TNFRSF25: variants seen among roughly 807,000 people sequenced by gnomAD.
TNFRSF25 encodes TNF receptor superfamily member 25.
Under a neutral mutation model 49.4 loss-of-function variants are expected in TNFRSF25, and 28 were observed. The ratio of observed to expected loss-of-function variants is 0.57; its 90% CI spans 0.42 to 0.78. The LOEUF (loss-of-function observed/expected upper bound fraction) is 0.78, where lower values mean the gene tolerates loss of function less well. Among genes scored for constraint, TNFRSF25 ranks in the 30% least tolerant of loss-of-function variants. The pLI is 0.00. For synonymous variants in TNFRSF25, 240 were observed against 234.2 expected (o/e 1.02, Z -0.23); for missense variants, 531 against 581.6 (o/e 0.91, Z 0.90).
chr1:6,461,258 C>A lies in TNFRSF25; in HGVS notation c.*176G>T, dbSNP rs1375746989. 1 of 830,952 alleles carries A rather than the reference C, an allele frequency of 1.2e-6. No individual in the cohort carries two copies. Among genetic ancestry groups the A allele is most frequent in the Non-Finnish European group, 2.0e-6 (1 of 490,324 alleles). 51.5% of individuals were successfully genotyped at this position (830,952 alleles called of 1,614,324 possible). ...CACCCCCTCTCGACATTCGTTCGTG[C>A]TTCTTCGCCTTGGCTGGAGCGATAG... On this transcript the variant is annotated 3_prime_UTR_variant, in exon 10 of 10. Coordinates refer to ENST00000356876, the MANE Select transcript of TNFRSF25 (RefSeq NM_003790.3). This position sits in a 1 kb window ranked among gnomAD's most constrained non-coding sequence, Gnocchi z 6.3.
Position 6,465,108 on chromosome 1 carries a change from C to T in TNFRSF25, c.275G>A (p.Cys92Tyr). The T allele has an allele frequency of 6.2e-7, 1 of 1,613,740 alleles. No individual in the cohort carries two copies. The highest frequency in any genetic ancestry group is 8.5e-7 in the Non-Finnish European group (1 of 1,179,790). ...ENHHNSECAR[C>Y]QACDEQASQV... ...CTCACCCTGCTCATCACAGGCCTGG[C>T]AGCGGGCACATTCAGAATTATGGTG... is the stretch of plus-strand genomic sequence containing the variant. Residue 92 changes from cysteine to tyrosine, a missense_variant, in exon 3 of 10, where the codon TGC becomes TAC. Cys to Tyr is a radical substitution (Grantham distance 194). Coordinates refer to ENST00000356876, the MANE Select transcript of TNFRSF25 (RefSeq NM_003790.3).
Position 6,462,026 on chromosome 1 carries a change from C to A in TNFRSF25, c.893G>T (p.Trp298Leu). Residue 298 changes from tryptophan (W) to leucine (L), a missense_variant, in exon 9 of 10, where the codon TGG becomes TTG. Trp to Leu is a moderately conservative substitution (Grantham distance 61). Coordinates refer to ENST00000356876, the MANE Select transcript of TNFRSF25 (RefSeq NM_003790.3). The surrounding 1 kb of genome is among the most constrained non-coding windows in gnomAD (Gnocchi z 4.2). ...TQEALCPQVT[W>L]SWDQLPSRAL... Reference sequence around the variant, plus strand: ...TCTGCTGGGCAACTGGTCCCAGGACCATGTCACCTGCGGGCAGAGCGCCTC... The same window carrying A: ...TCTGCTGGGCAACTGGTCCCAGGACAATGTCACCTGCGGGCAGAGCGCCTC... 1 of 1,612,754 alleles carries A rather than the reference C, an allele frequency of 6.2e-7. No homozygotes were observed. The highest frequency in any genetic ancestry group is 8.5e-7 in the Non-Finnish European group (1 of 1,179,692).
intron 5 of TNFRSF25, 115 bp downstream of exon 5, chr1:6,464,260 C>T: frequency 2.0e-6 from 3 of 1,520,054 alleles, no homozygotes; most frequent in Non-Finnish European, 2.7e-6. Context: ...AGGGCCAAGG[C>T]TCCCTCCTCC....
Position 6,465,244 on chromosome 1 carries a change from A to G in TNFRSF25, c.161-22T>C, listed in dbSNP as rs2148564580. The stretch of plus-strand genomic sequence containing the variant: ...TGCCCTGTGGAACCAGGCAGGGGTC[A>G]GGCAGGCAGAGGGGCTGCCCAGCAA... On this transcript the variant is annotated intron_variant, in intron 2 of 9. Coordinates refer to ENST00000356876, the MANE Select transcript of TNFRSF25 (RefSeq NM_003790.3). 1.9e-6 allele frequency: 3 copies of G among 1,595,978 alleles called. No homozygotes were observed. The East Asian group carries it at 6.8e-5, about 36-fold the overall frequency.
At chr1:6,464,135 G>T (rs774520798) in intron 5 of TNFRSF25, 7 of 1,386,572 alleles carry the variant, frequency 5.0e-6, no homozygotes, top group Non-Finnish European at 6.6e-6. Flanking sequence ...GGCTAGGATC[G>T]CTGGGGGGAA....
chr1:6,461,823 A>G lies in TNFRSF25; in HGVS notation c.926-61T>C. ...TGGGCCGCGGTCGGGAGGCAGAGTCAGGGGCGTTCGTGCGGGTACCCCAGG... is the reference window on the plus strand; with the variant it reads ...TGGGCCGCGGTCGGGAGGCAGAGTCGGGGGCGTTCGTGCGGGTACCCCAGG... On this transcript the variant is annotated intron_variant, in intron 9 of 9. Coordinates refer to ENST00000356876, the MANE Select transcript of TNFRSF25 (RefSeq NM_003790.3). This position sits in a 1 kb window ranked among gnomAD's most constrained non-coding sequence, Gnocchi z 6.3. 6.8e-7 allele frequency: 1 copy of G among 1,461,224 alleles called. No homozygotes were observed. 90.5% of individuals were successfully genotyped at this position (1,461,224 alleles called of 1,614,324 possible). A position where few individuals can be genotyped will look rare whatever the true frequency, so the allele number is the denominator to read the frequency against.
chr1:6,463,178 G>A, intron 5 of TNFRSF25, 51 bp from the exon 6 acceptor site: 1 of 1,535,130 alleles, frequency 6.5e-7, no homozygotes, highest in Non-Finnish European at 8.8e-7. Context: ...TGCCAGGAGG[G>A]GCTCCCTAAG....
intron 5 of TNFRSF25, 125 bp from the exon 6 acceptor site, chr1:6,463,252 A>T: frequency 1.1e-6 from 1 of 912,762 alleles, no homozygotes; most frequent in South Asian, 1.7e-5. Context: ...TCTACCCAAG[A>T]ATGTTCCTGT....
In TNFRSF25 at chr1:6,464,166, A is replaced by AT. The variant is rs1644263755; in HGVS notation, c.542+208_542+209insA. ...GGGAATGCTGGCTGAAAGTGAAGGCAAATACCCTTATGTATCTGGCTAAGG... is the reference window on the plus strand; with the variant it reads ...GGGAATGCTGGCTGAAAGTGAAGGCATAATACCCTTATGTATCTGGCTAAGG... On this transcript the variant is annotated intron_variant, in intron 5 of 9. Coordinates refer to ENST00000356876, the MANE Select transcript of TNFRSF25 (RefSeq NM_003790.3). The AT allele has an allele frequency of 2.8e-5, 40 of 1,429,510 alleles. No individual in the cohort carries two copies. The South Asian group carries it at 5.4e-4, about 19-fold the overall frequency. 88.6% of individuals were successfully genotyped at this position (1,429,510 alleles called of 1,614,324 possible).
intron 2 of TNFRSF25, 51 bp downstream of exon 2, chr1:6,465,389 C>T (rs1243360084): frequency 6.2e-7 from 1 of 1,610,864 alleles, no homozygotes. Flanking sequence ...CTGCCCGCCA[C>T]CTCTCCAGCC....
chr1:6,465,647 C>A, intron 1 of TNFRSF25, 87 bp from the exon 2 acceptor site: 1 of 1,528,352 alleles, frequency 6.5e-7, no homozygotes, highest in Non-Finnish European at 8.8e-7. Context: ...GAGGCCCCAG[C>A]ATTTGCCCAC....
Position 6,462,541 on chromosome 1 carries a change from TG to T in TNFRSF25, c.744+87del. ...TCTGTCCACTAGGGCTACCCGGTGC[TG>T]GCCGCGTGCCAAGCTCCAGGGATCA... On this transcript the variant is annotated intron_variant, in intron 8 of 9. Transcript: ENST00000356876. This position sits in a 1 kb window ranked among gnomAD's most constrained non-coding sequence, Gnocchi z 4.2. 1 of 1,561,502 alleles carries T rather than the reference TG, an allele frequency of 6.4e-7. No homozygotes were observed. Among genetic ancestry groups the T allele is most frequent in the Non-Finnish European group, 8.7e-7 (1 of 1,154,570 alleles).
rs879460301 is a variant in TNFRSF25 at position 6,462,883 on chromosome 1, G to A, written c.686C>T (p.Pro229Leu). The change falls in exon 7 of 10, where the codon CCT (proline) becomes CTT (leucine). Residue 229 changes from proline (P) to leucine (L), a missense_variant. Coordinates refer to ENST00000356876, the MANE Select transcript of TNFRSF25 (RefSeq NM_003790.3). The surrounding 1 kb of genome is among the most constrained non-coding windows in gnomAD (Gnocchi z 4.2). ...CTTACCAGTAACCAGGGGCTTGTGA[G>A]GCCAGCAGTGGCGGTATGTGTAGGT... is the stretch of plus-strand genomic sequence containing the variant. ...TLTYTYRHCW[P>L]HKPLVTADEA... 1 of 1,608,346 alleles carries A rather than the reference G, an allele frequency of 6.2e-7. No homozygotes were observed. Among genetic ancestry groups the A allele is most frequent in the Non-Finnish European group, 8.5e-7 (1 of 1,177,428 alleles).
rs1644335295 is a variant in TNFRSF25, at chr1:6,465,652, G to A, written c.40-92C>T. ...CTCCATTTCAGAGGCCCCAGCATTT[G>A]CCCACAGAGCAGCCCACTTCCCAGG... On this transcript the variant is annotated intron_variant, in intron 1 of 9. Coordinates refer to ENST00000356876, the MANE Select transcript of TNFRSF25 (RefSeq NM_003790.3). The A allele has an allele frequency of 3.3e-6, 5 of 1,521,144 alleles. No individual in the cohort carries two copies. The East Asian group carries it at 1.2e-4, about 37-fold the overall frequency. 94.2% of individuals were successfully genotyped at this position (1,521,144 alleles called of 1,614,324 possible).
Position 6,461,698 on chromosome 1 carries a change from C to A in TNFRSF25, c.990G>T (p.Gln330His), listed in dbSNP as rs1220781436. The change falls in exon 10 of 10, where the codon CAG (glutamine) becomes CAT (histidine). Residue 330 changes from glutamine (Q) to histidine (H), a missense_variant. Gln to His is a conservative substitution (Grantham distance 24, BLOSUM62 0). Coordinates refer to ENST00000356876, the MANE Select transcript of TNFRSF25 (RefSeq NM_003790.3). This position sits in a 1 kb window ranked among gnomAD's most constrained non-coding sequence, Gnocchi z 6.3. ...TCACGTCGTAGAGCTGCGGGCCCGG[C>A]TGCAGCATCATGGCTGGCGAGCCGG... Reference protein sequence around the residue: ...SPAGSPAMMLQPGPQLYDVMD... With the variant: ...SPAGSPAMMLHPGPQLYDVMD... 1 of 1,574,998 alleles carries A rather than the reference C, an allele frequency of 6.3e-7. No homozygotes were observed.
Position 6,462,869 on chromosome 1 carries a change from C to G in TNFRSF25, c.700G>C (p.Val234Leu). Residue 234 changes from valine (V) to leucine (L), a missense_variant, in exon 7 of 10, where the codon GTT becomes CTT. Coordinates refer to ENST00000356876, the MANE Select transcript of TNFRSF25 (RefSeq NM_003790.3). This position sits in a 1 kb window ranked among gnomAD's most constrained non-coding sequence, Gnocchi z 4.2. ...YRHCWPHKPL[V>L]TADEAGMEAL... ...TGTGGGTGTGTGTACTTACCAGTAA[C>G]CAGGGGCTTGTGAGGCCAGCAGTGG... 2 of 1,607,342 alleles carry G rather than the reference C, an allele frequency of 1.2e-6. No homozygotes were observed. Among genetic ancestry groups the G allele is most frequent in the Non-Finnish European group, 1.7e-6 (2 of 1,176,864 alleles).
intron 2 of TNFRSF25, 26 bp downstream of exon 2, chr1:6,465,414 C>T (rs773757198): frequency 3.3e-5 from 53 of 1,613,536 alleles, no homozygotes; most frequent in Middle Eastern, 1.6e-4. Context: ...CTGCCCCATG[C>T]CTCTCCCACC....
Position 6,466,138 on chromosome 1 carries a change from G to C in TNFRSF25, c.-31C>G. 2 of 1,464,108 alleles carry C rather than the reference G, an allele frequency of 1.4e-6. No homozygotes were observed. The highest frequency in any genetic ancestry group is 2.7e-5 in the South Asian group (2 of 75,132). 90.7% of individuals were successfully genotyped at this position (1,464,108 alleles called of 1,614,324 possible). ...TCCGACGGGCGCCCAGGGGCTTCCC[G>C]GCTCCGTGCTCTCTGCCCGTCGTGG... On this transcript the variant is annotated 5_prime_UTR_variant, in exon 1 of 10. Coordinates refer to ENST00000356876, the MANE Select transcript of TNFRSF25 (RefSeq NM_003790.3).
At position 6,462,872 on chromosome 1, in the gene TNFRSF25, G is replaced by A. The variant is rs1273005383; in HGVS notation, c.697C>T (p.Leu233=). 6.2e-7 allele frequency: 1 copy of A among 1,607,692 alleles called. No individual in the cohort carries two copies. The highest frequency in any genetic ancestry group is 1.3e-5 in the African/African-American group (1 of 74,842). ...GGGTGTGTGTACTTACCAGTAACCA[G>A]GGGCTTGTGAGGCCAGCAGTGGCGG... ...TYRHCWPHKP[L]VTADEAGMEA... Residue 233 remains leucine (L), a synonymous_variant, in exon 7 of 10, where the codon CTG becomes TTG. Transcript: ENST00000356876. This position sits in a 1 kb window ranked among gnomAD's most constrained non-coding sequence, Gnocchi z 4.2.
Sources: gnomAD v4.1 joint callset for allele counts on GRCh38, gnomAD v4.1.1 for gene constraint, Gnocchi (gnomAD v3.1) non-coding constraint, MANE v1.5 for transcripts, NCBI Gene and HGNC (gene_info 2026-07-23, HGNC 2026-07-21) for gene names.